Variants in SOX6 observed in about 807,000 individuals in gnomAD.
SOX6 encodes the protein SRY-box transcription factor 6.
SOX6 carries 11 observed loss-of-function variants against 97.8 expected under a neutral mutation model. The observed-to-expected ratio is 0.11, with a 90% CI of 0.07 to 0.19. SOX6 has a LOEUF of 0.19. Among genes scored for constraint, SOX6 ranks in the 10% least tolerant of loss-of-function variants. The probability of loss-of-function intolerance (pLI) is 1.00; values close to 1 mark genes in which losing one functional copy is unlikely to be tolerated. For missense variants in SOX6, 810 were observed against 1,039.5 expected (o/e 0.78, Z 3.04); for synonymous variants, 360 against 371.4 (o/e 0.97, Z 0.35).
At chr11:16,053,963 T>C (rs1441776270) in intron 10 of SOX6, among the ~76,000 whole-genome samples, 3 of 152,160 alleles carry the variant, frequency 2.0e-5, no homozygotes, top group Non-Finnish European at 2.9e-5. Flanking sequence ...TTTTTACCCA[T>C]ATATACAATA....
intron 4 of SOX6, among the ~76,000 whole-genome samples, chr11:16,540,104 T>A (rs867638027): frequency 6.6e-6 from 1 of 152,060 alleles, no homozygotes; most frequent in Non-Finnish European, 1.5e-5. Flanking sequence ...CAGCAGCACA[T>A]GAAAAAGCTT....
intron 3 of SOX6, among the ~76,000 whole-genome samples, chr11:16,630,359 CA>C (rs1223787644): frequency 1.3e-5 from 2 of 152,048 alleles, no homozygotes; most frequent in African/African-American, 4.8e-5. Context: ...AAAAGTCATC[CA>C]GGGGTAAGTT....
intron 3 of SOX6, among the ~76,000 whole-genome samples, chr11:16,296,929 C>T (rs1265463844): frequency 6.6e-6 from 1 of 152,048 alleles, no homozygotes; most frequent in Non-Finnish European, 1.5e-5. Flanking sequence ...AAACACCCAT[C>T]AGGACAGCCA....
intron 4 of SOX6, among the ~76,000 whole-genome samples, chr11:16,189,131 C>T (rs997544888): frequency 2.6e-5 from 4 of 152,138 alleles, no homozygotes; most frequent in African/African-American, 9.7e-5. Context: ...ATGTAAACTA[C>T]AACTACATAG....
At chr11:16,647,154 A>G (rs991962791) in intron 3 of SOX6, among the ~76,000 whole-genome samples, 4 of 152,076 alleles carry the variant, frequency 2.6e-5, no homozygotes, top group Admixed American at 2.6e-4. Flanking sequence ...AGATGTATAG[A>G]TTGTGAGGCT....
intron 3 of SOX6, among the ~76,000 whole-genome samples, chr11:16,265,463 G>A (rs1287682873): frequency 6.6e-6 from 1 of 151,662 alleles, no homozygotes; most frequent in Non-Finnish European, 1.5e-5. Flanking sequence ...CTGTTTCCAA[G>A]AAACTTAAAG....
At chr11:16,476,635 T>C (rs1286367634), upstream of SOX6, among the ~76,000 whole-genome samples, 3 of 152,024 alleles carry the variant, frequency 2.0e-5, no homozygotes, top group Non-Finnish European at 4.4e-5. Flanking sequence ...ATAAAGTAGG[T>C]GATAAAAATA....
intron 4 of SOX6, among the ~76,000 whole-genome samples, chr11:16,231,033 C>T (rs991534944): frequency 2.0e-5 from 3 of 151,596 alleles, no homozygotes; most frequent in African/African-American, 7.2e-5. Flanking sequence ...TTCATCAAAA[C>T]ATATTTAAGA....
chr11:16,338,589 A>G (rs1023488738), intron 2 of SOX6, among the ~76,000 whole-genome samples: 66 of 152,076 alleles, frequency 4.3e-4, no homozygotes, highest in Admixed American at 4.3e-3. Context: ...ATTACACCAT[A>G]TAAGTACACA....
chr11:16,275,290 A>C (rs1345199544), intron 3 of SOX6, among the ~76,000 whole-genome samples: 2 of 149,650 alleles, frequency 1.3e-5, no homozygotes, highest in Non-Finnish European at 3.0e-5. Flanking sequence ...AAATACAAAA[A>C]AAAAAAAAAA....
chr11:16,719,405 T>C (rs2134052544), intron 2 of SOX6, among the ~76,000 whole-genome samples: 1 of 152,248 alleles, frequency 6.6e-6, no homozygotes, highest in Non-Finnish European at 1.5e-5. Flanking sequence ...TCATTTAGAA[T>C]CAGATAATCC....
chr11:16,405,832 T>G (rs1323739131), intron 1 of SOX6, among the ~76,000 whole-genome samples: 6 of 152,056 alleles, frequency 3.9e-5, no homozygotes, highest in Non-Finnish European at 8.8e-5. Flanking sequence ...CACCATGTTG[T>G]CTTTAACCAG....
At chr11:16,375,631 A>C (rs1340825880) in intron 1 of SOX6, among the ~76,000 whole-genome samples, 1 of 152,112 alleles carries the variant, frequency 6.6e-6, no homozygotes, top group Non-Finnish European at 1.5e-5. Flanking sequence ...AGGCAAACAC[A>C]TTTTTTTAAA....
chr11:16,394,370 C>T (rs1858280473), intron 1 of SOX6, among the ~76,000 whole-genome samples: 1 of 151,510 alleles, frequency 6.6e-6, no homozygotes, highest in African/African-American at 2.4e-5. Context: ...TCTATAAATC[C>T]CCTCCTTTTA....
intron 3 of SOX6, among the ~76,000 whole-genome samples, chr11:16,281,967 A>T (rs1461046938): frequency 8.9e-6 from 1 of 112,696 alleles, no homozygotes; most frequent in East Asian, 2.5e-4. Flanking sequence ...ATAAAATCAC[A>T]TATATATAAA....
At chr11:16,162,050 T>C (rs1367759277) in intron 6 of SOX6, among the ~76,000 whole-genome samples, 1 of 152,224 alleles carries the variant, frequency 6.6e-6, no homozygotes, top group Non-Finnish European at 1.5e-5. Flanking sequence ...TACATACAAC[T>C]GTAATAATTG....
chr11:16,132,425 G>GAA (rs1189802922), intron 6 of SOX6, among the ~76,000 whole-genome samples: 3 of 91,972 alleles, frequency 3.3e-5, no homozygotes, highest in African/African-American at 1.5e-4. Context: ...AAGAAAGAAA[G>GAA]AAAGAAAGAA....
chr11:16,537,699 T>C (rs550416977), intron 4 of SOX6, among the ~76,000 whole-genome samples: 3 of 152,216 alleles, frequency 2.0e-5, no homozygotes, highest in African/African-American at 7.2e-5. Context: ...CAATAGCCGA[T>C]TCAATCAAGT....
chr11:16,603,769 A>C (rs973626808), intron 4 of SOX6, among the ~76,000 whole-genome samples: 4 of 152,092 alleles, frequency 2.6e-5, no homozygotes, highest in African/African-American at 9.7e-5. Flanking sequence ...CCTCTTACCA[A>C]TAGTTGAACA....
Sources: allele counts gnomAD v4.1 joint callset (sites outside exome capture counted in the v4.1 genomes callset), GRCh38; gene constraint gnomAD v4.1.1; transcripts MANE v1.5; gene names NCBI Gene and HGNC (gene_info 2026-07-23, HGNC 2026-07-21).